SORBS2: variants seen among roughly 807,000 people sequenced by gnomAD.
SORBS2 encodes the protein sorbin and SH3 domain-containing protein 2.
A neutral mutation model predicts 97.7 loss-of-function variants in SORBS2; 46 were observed. The observed-to-expected ratio is 0.47, with a 90% CI of 0.37 to 0.60. The LOEUF (loss-of-function observed/expected upper bound fraction) is 0.60, where lower values mean the gene tolerates loss of function less well. Ranked by LOEUF, SORBS2 falls within the 20% of genes least tolerant of loss-of-function variation. The pLI is 0.00. For synonymous variants in SORBS2, 476 were observed against 473.4 expected (o/e 1.01, Z -0.07); for missense variants, 1,316 against 1,282.3 (o/e 1.03, Z -0.40).
intron 2 of SORBS2, among the ~76,000 whole-genome samples, chr4:185,733,264 G>A (rs781756475): frequency 6.6e-6 from 1 of 152,224 alleles, no homozygotes; most frequent in Non-Finnish European, 1.5e-5. Flanking sequence ...TGCTTTTGGG[G>A]AGATAGATTT....
intron 4 of SORBS2, 145 bp from the exon 16 acceptor site, chr4:185,635,556 A>G: frequency 1.6e-6 from 1 of 621,286 alleles, no homozygotes. Flanking sequence ...GAATGACATG[A>G]ATGGAGCAAA....
At chr4:185,719,192 C>T (rs187155430) in intron 2 of SORBS2, among the ~76,000 whole-genome samples, 8 of 151,788 alleles carry the variant, frequency 5.3e-5, no homozygotes, top group African/African-American at 1.2e-4. Flanking sequence ...GAGAGGTTAC[C>T]GAGAAAAGAG....
chr4:185,847,534 A>G (rs918217379), intron 1 of SORBS2, among the ~76,000 whole-genome samples: 10 of 152,038 alleles, frequency 6.6e-5, no homozygotes, highest in African/African-American at 2.2e-4. Flanking sequence ...CCAGACATAC[A>G]TCCTCCTCTC....
At chr4:185,861,343 G>C (rs1316379531) in intron 1 of SORBS2, among the ~76,000 whole-genome samples, 1 of 131,968 alleles carries the variant, frequency 7.6e-6, no homozygotes, top group African/African-American at 2.8e-5. Flanking sequence ...AGTCGGGTGG[G>C]GGGCTTAGAA....
At chr4:185,763,295 C>T (rs938445890) in intron 2 of SORBS2, among the ~76,000 whole-genome samples, 4 of 152,186 alleles carry the variant, frequency 2.6e-5, no homozygotes, top group African/African-American at 9.6e-5. Context: ...AAGGTGTCCT[C>T]CCTTGGCCAG....
At chr4:185,854,819 CTTAG>C (rs1432769871) in intron 1 of SORBS2, among the ~76,000 whole-genome samples, 1 of 147,570 alleles carries the variant, frequency 6.8e-6, no homozygotes, top group African/African-American at 2.6e-5. Flanking sequence ...GAGAGAGAGC[CTTAG>C]TTAGTTTACT....
intron 2 of SORBS2, among the ~76,000 whole-genome samples, chr4:185,707,108 A>T (rs1040227412): frequency 6.6e-6 from 1 of 152,248 alleles, no homozygotes; most frequent in African/African-American, 2.4e-5. Context: ...TTACATGTAT[A>T]TTAATTACAT....
intron 2 of SORBS2, chr4:185,774,531 G>A (rs1278822209): frequency 1.3e-5 from 2 of 152,158 alleles, no homozygotes; most frequent in African/African-American, 4.8e-5. Flanking sequence ...TCAAGTGCAA[G>A]CGTAACGAGG....
At chr4:185,603,430 A>AT (rs544737507) in intron 12 of SORBS2, among the ~76,000 whole-genome samples, 143 of 152,350 alleles carry the variant, frequency 9.4e-4, no homozygotes, top group African/African-American at 3.3e-3. Context: ...AAAGTGTTTC[A>AT]TTTTTTACAA....
intron 2 of SORBS2, among the ~76,000 whole-genome samples, 160 bp downstream of exon 10, chr4:185,652,502 G>A (rs1016801770): frequency 1.3e-5 from 2 of 152,194 alleles, no homozygotes; most frequent in African/African-American, 2.4e-5. Flanking sequence ...ATCTGTCACC[G>A]GAGGGGTGAC....
intron 2 of SORBS2, among the ~76,000 whole-genome samples, chr4:185,692,538 T>G (rs138179006): frequency 0.013 from 1,920 of 152,310 alleles, 30 homozygotes; most frequent in African/African-American, 0.041. Flanking sequence ...AACTATTATT[T>G]TCTTTCAATG....
intron 1 of SORBS2, among the ~76,000 whole-genome samples, chr4:185,654,130 C>T (rs922721923): frequency 6.6e-6 from 1 of 152,112 alleles, no homozygotes; most frequent in South Asian, 2.1e-4. Flanking sequence ...CACTTGACTT[C>T]GTTATGAGTC....
chr4:185,887,086 C>T (rs2099240061), intron 1 of SORBS2, among the ~76,000 whole-genome samples: 1 of 152,172 alleles, frequency 6.6e-6, no homozygotes. Context: ...GCCTGGGCAG[C>T]TGTCTGCGGG....
At chr4:185,775,249 G>A (rs1189884152) in exon 2 of SORBS2, 1 of 152,618 alleles carries the variant, frequency 6.6e-6, no homozygotes, top group Non-Finnish European at 1.5e-5. Flanking sequence ...GAGTTCAACA[G>A]TTGCTCTATA....
chr4:185,877,048 G>C (rs147770325), intron 1 of SORBS2, among the ~76,000 whole-genome samples: 5 of 152,234 alleles, frequency 3.3e-5, no homozygotes, highest in African/African-American at 1.2e-4. Flanking sequence ...ATAAGTCAGA[G>C]ATCTGCTTCA....
intron 2 of SORBS2, among the ~76,000 whole-genome samples, chr4:185,738,167 G>A (rs1242794891): frequency 2.0e-5 from 3 of 152,202 alleles, no homozygotes; most frequent in African/African-American, 7.2e-5. Context: ...ACTGACCCTA[G>A]AACAATACCC....
chr4:185,798,944 CT>C (rs146448926), intron 1 of SORBS2, among the ~76,000 whole-genome samples: 19,012 of 152,182 alleles, frequency 0.12, 1,289 homozygotes, highest in South Asian at 0.24. Flanking sequence ...AGCCTGTCTT[CT>C]TTTTTGAACT....
intron 1 of SORBS2, among the ~76,000 whole-genome samples, chr4:185,653,263 G>A (rs1038135177): frequency 6.6e-6 from 1 of 152,206 alleles, no homozygotes; most frequent in Non-Finnish European, 1.5e-5. Context: ...GCATCCCAGA[G>A]TCCTACGGAA....
intron 13 of SORBS2, among the ~76,000 whole-genome samples, chr4:185,591,114 T>C (rs750800162): frequency 3.3e-5 from 5 of 152,196 alleles, no homozygotes; most frequent in Admixed American, 6.5e-5. Flanking sequence ...CTTATGTCAT[T>C]AATAAGCAAC....
Sources: gnomAD v4.1 joint callset for allele counts (sites outside exome capture counted in the v4.1 genomes callset) on GRCh38, gnomAD v4.1.1 for gene constraint, MANE v1.5 for transcripts, NCBI Gene and HGNC (gene_info 2026-07-23, HGNC 2026-07-21) for gene names.